The following TMEM117 variants were observed in gnomAD, a reference collection of about 807,000 sequenced individuals.
TMEM117 encodes the protein transmembrane protein 117.
TMEM117 carries 27 observed loss-of-function variants against 52.4 expected under a neutral mutation model. That is an observed-to-expected ratio of 0.51 (90% CI 0.38 to 0.71). The LOEUF is 0.71. Ranked by LOEUF, TMEM117 falls within the 30% of genes least tolerant of loss-of-function variation. The pLI is 0.00. For synonymous variants in TMEM117, 215 were observed against 206.3 expected (o/e 1.04, Z -0.36); for missense variants, 556 against 630.5 (o/e 0.88, Z 1.26).
At chr12:44,105,408 G>A (rs1947936069) in intron 3 of TMEM117, among the ~76,000 whole-genome samples, 1 of 151,868 alleles carries the variant, frequency 6.6e-6, no homozygotes, top group Admixed American at 6.6e-5. Flanking sequence ...ATTAATCAAA[G>A]TTCTTAAAGA....
the TMEM117 span, among the ~76,000 whole-genome samples, chr12:43,813,464 C>G: frequency 1.3e-5 from 2 of 151,704 alleles, no homozygotes; most frequent in Non-Finnish European, 2.9e-5. Context: ...AGGCTGGTCT[C>G]GAACTACTGG....
intron 2 of TMEM117, among the ~76,000 whole-genome samples, chr12:43,884,746 G>C (rs1272154199): frequency 6.6e-6 from 1 of 152,142 alleles, no homozygotes; most frequent in African/African-American, 2.4e-5. Context: ...AGCTAAGTCT[G>C]CCTTTCTTCC....
the TMEM117 span, chr12:43,797,626 A>G: frequency 6.7e-7 from 1 of 1,495,342 alleles, no homozygotes; most frequent in Non-Finnish European, 9.0e-7. Context: ...TTTAAAATGT[A>G]AAATCCATTA....
At chr12:44,243,936 C>T (rs1950096831) in intron 5 of TMEM117, among the ~76,000 whole-genome samples, 1 of 151,946 alleles carries the variant, frequency 6.6e-6, no homozygotes, top group Non-Finnish European at 1.5e-5. Context: ...CAGATTCATC[C>T]ATGTTGTCAA....
intron 3 of TMEM117, among the ~76,000 whole-genome samples, chr12:44,075,106 C>A (rs1326568928): frequency 6.6e-6 from 1 of 152,180 alleles, no homozygotes; most frequent in African/African-American, 2.4e-5. Flanking sequence ...TTAGTCATAA[C>A]TTTGTCTACA....
At chr12:44,137,251 A>G (rs1948504328) in intron 3 of TMEM117, among the ~76,000 whole-genome samples, 1 of 152,142 alleles carries the variant, frequency 6.6e-6, no homozygotes, top group Non-Finnish European at 1.5e-5. Context: ...GGAAGCGATA[A>G]CTTTCAAAAG....
At chr12:44,261,326 C>A (rs559000470) in intron 5 of TMEM117, among the ~76,000 whole-genome samples, 2 of 152,164 alleles carry the variant, frequency 1.3e-5, no homozygotes, top group African/African-American at 4.8e-5. Context: ...GATTCAAACA[C>A]GACTCTGCCT....
At chr12:43,976,407 T>C (rs989990707) in intron 3 of TMEM117, among the ~76,000 whole-genome samples, 2 of 151,820 alleles carry the variant, frequency 1.3e-5, no homozygotes, top group African/African-American at 4.9e-5. Flanking sequence ...GCAGCCCCCC[T>C]AAGCTGGCAA....
At position 43,898,500 on chromosome 12, in the gene TMEM117, T is replaced by C. The variant is rs915848027; in HGVS notation, c.278-45710T>C. ...ATAGACCCTACTTGAACCTCACATTTCTAGATCTATTCTAGATCTGGCTGT... is the reference window on the plus strand; with the variant it reads ...ATAGACCCTACTTGAACCTCACATTCCTAGATCTATTCTAGATCTGGCTGT... On this transcript the variant is annotated intron_variant, in intron 2 of 7. Transcript: ENST00000266534. 1.3e-5 allele frequency among the ~76,000 whole-genome samples: 2 copies of C among 152,048 alleles called. 1 individual carries two copies. The highest frequency in any genetic ancestry group is 1.3e-4 in the Admixed American group (2 of 15,262).
rs199942605 is a variant in TMEM117, at chr12:43,948,049, G to A, written c.410+3707G>A. On this transcript the variant is annotated intron_variant, in intron 3 of 7. Coordinates refer to ENST00000266534, the MANE Select transcript of TMEM117 (RefSeq NM_032256.3). ...AAGAGTTTTTAGCCCAGAGTTGCCTGGCTCCTGTTCTTCTCATTACAGTGG... is the reference window on the plus strand; with the variant it reads ...AAGAGTTTTTAGCCCAGAGTTGCCTAGCTCCTGTTCTTCTCATTACAGTGG... Among the ~76,000 whole-genome samples the A allele has an allele frequency of 9.2e-5, 14 of 152,194 alleles. No homozygotes were observed. The East Asian group carries it at 2.1e-3, about 23-fold the overall frequency.
At chr12:44,037,516 G>T (rs559415651) in intron 3 of TMEM117, among the ~76,000 whole-genome samples, 1 of 152,286 alleles carries the variant, frequency 6.6e-6, no homozygotes, top group East Asian at 1.9e-4. Flanking sequence ...CTCCAGATAG[G>T]CTCCTAGGCA....
At chr12:44,240,741 GA>G (rs552934809) in intron 5 of TMEM117, among the ~76,000 whole-genome samples, 6 of 151,608 alleles carry the variant, frequency 4.0e-5, no homozygotes, top group Non-Finnish European at 5.9e-5. Flanking sequence ...ACATTTTATA[GA>G]AAAAAACATA....
intron 5 of TMEM117, among the ~76,000 whole-genome samples, chr12:44,296,574 C>T (rs1950772371): frequency 6.6e-6 from 1 of 152,182 alleles, no homozygotes; most frequent in Non-Finnish European, 1.5e-5. Context: ...CAGAACTGCT[C>T]TCAGATCACA....
At chr12:44,294,347 A>C (rs1008331969) in intron 5 of TMEM117, among the ~76,000 whole-genome samples, 1 of 152,204 alleles carries the variant, frequency 6.6e-6, no homozygotes, top group Non-Finnish European at 1.5e-5. Flanking sequence ...ACTGAATCCA[A>C]TTGCCATCAG....
intron 4 of TMEM117, among the ~76,000 whole-genome samples, chr12:44,208,571 G>T (rs1489252387): frequency 6.6e-6 from 1 of 152,036 alleles, no homozygotes; most frequent in African/African-American, 2.4e-5. Context: ...GAGATAATTG[G>T]ATTTTTCTTT....
intron 4 of TMEM117, among the ~76,000 whole-genome samples, chr12:44,201,859 C>T (rs1431044425): frequency 6.6e-6 from 1 of 151,980 alleles, no homozygotes; most frequent in East Asian, 1.9e-4. Flanking sequence ...TAGAAATATT[C>T]CCAAACCCTA....
intron 3 of TMEM117, among the ~76,000 whole-genome samples, chr12:44,047,371 AGAATTT>A (rs1220075674): frequency 6.6e-6 from 1 of 152,132 alleles, no homozygotes; most frequent in Non-Finnish European, 1.5e-5. Context: ...TACTGCAGAG[AGAATTT>A]GAGTTTGCTT....
At chr12:44,373,593 C>A (rs966985386) in intron 6 of TMEM117, among the ~76,000 whole-genome samples, 1 of 152,050 alleles carries the variant, frequency 6.6e-6, no homozygotes, top group African/African-American at 2.4e-5. Context: ...ACCTCTGTCT[C>A]CAGTAATGTG....
At chr12:44,337,199 G>A (rs1002702431) in intron 6 of TMEM117, among the ~76,000 whole-genome samples, 20 of 152,002 alleles carry the variant, frequency 1.3e-4, no homozygotes, top group African/African-American at 4.1e-4. Flanking sequence ...TCACAGTCTT[G>A]GTATCCAGTG....
Sources: allele counts gnomAD v4.1 joint callset (sites outside exome capture counted in the v4.1 genomes callset), GRCh38; gene constraint gnomAD v4.1.1; transcripts MANE v1.5; gene names NCBI Gene and HGNC (gene_info 2026-07-23, HGNC 2026-07-21).